The following MACROD2 variants were observed in gnomAD, a reference collection of about 807,000 sequenced individuals.
The protein encoded by MACROD2 is mono-ADP ribosylhydrolase 2.
MACROD2 carries 36 observed loss-of-function variants against 70.4 expected under a neutral mutation model. That is an observed-to-expected ratio of 0.51 (90% confidence interval 0.39 to 0.68). The LOEUF (loss-of-function observed/expected upper bound fraction) is 0.68. MACROD2 is among the 30% of genes least tolerant of loss of function. MACROD2 has a pLI of 0.00. For synonymous variants in MACROD2, 172 were observed against 178.8 expected (o/e 0.96, Z 0.30); for missense variants, 496 against 538.4 (o/e 0.92, Z 0.78).
At chr20:16,004,280 C>T (rs543761061) in intron 15 of MACROD2, among the ~76,000 whole-genome samples, 3 of 152,266 alleles carry the variant, frequency 2.0e-5, no homozygotes, top group South Asian at 2.1e-4. Context: ...ATTTCTCCCA[C>T]AGTGGCAGGT....
chr20:14,304,208 C>G (rs950059023), intron 3 of MACROD2, among the ~76,000 whole-genome samples: 1 of 152,162 alleles, frequency 6.6e-6, no homozygotes, highest in East Asian at 1.9e-4. Flanking sequence ...GACTACCTAT[C>G]CTTGGACACT....
At chr20:15,748,528 C>T (rs2146976174) in intron 8 of MACROD2, among the ~76,000 whole-genome samples, 1 of 152,114 alleles carries the variant, frequency 6.6e-6, no homozygotes, top group East Asian at 1.9e-4. Context: ...ATGTAGCGTT[C>T]TGAAGCTTCA....
At chr20:14,818,662 T>C (rs1258415541) in intron 5 of MACROD2, among the ~76,000 whole-genome samples, 1 of 152,072 alleles carries the variant, frequency 6.6e-6, no homozygotes, top group African/African-American at 2.4e-5. Flanking sequence ...AGATGGCCAG[T>C]ATTACATTTT....
intron 5 of MACROD2, among the ~76,000 whole-genome samples, chr20:14,994,350 C>A (rs2423909): frequency 5.3e-5 from 8 of 152,144 alleles, no homozygotes; most frequent in African/African-American, 1.9e-4. Flanking sequence ...ATCAAAATCA[C>A]GCTCTGGAAG....
intron 4 of MACROD2, among the ~76,000 whole-genome samples, chr20:14,528,302 T>A (rs900420328): frequency 4.2e-5 from 6 of 144,524 alleles, no homozygotes; most frequent in Non-Finnish European, 9.2e-5. Context: ...TTTTTTTTTT[T>A]AGTAGAGACA....
Position 14,337,529 on chromosome 20 carries a change from G to C in MACROD2, c.272-155950G>C, listed in dbSNP as rs188692072. On this transcript the variant is annotated intron_variant, in intron 3 of 17. Transcript: ENST00000684519. The stretch of plus-strand genomic sequence containing the variant: ...TGCGTCCAGTCCACACAAAGCCCAC[G>C]GCAGCTGCAGGCTGAGCTTGTCCTG... 5.0e-5 allele frequency: 20 copies of C among 398,550 alleles called. 1 individual carries two copies. Among genetic ancestry groups the C allele is most frequent in the Middle Eastern group, 1.3e-3 (2 of 1,588 alleles). The allele number at this position is 398,550 out of a possible 1,614,324, so 24.7% of individuals were successfully genotyped here.
chr20:14,567,043 G>C (rs1339595312), intron 4 of MACROD2: 5 of 151,830 alleles, frequency 3.3e-5, no homozygotes, highest in Non-Finnish European at 7.4e-5. Flanking sequence ...CAGAAGCCTG[G>C]AACTCCTGGG....
intron 3 of MACROD2, among the ~76,000 whole-genome samples, chr20:14,208,865 T>A (rs368799291): frequency 6.6e-6 from 1 of 152,196 alleles, no homozygotes. Flanking sequence ...GCAAGATACA[T>A]GTTGATCCAT....
intron 8 of MACROD2, among the ~76,000 whole-genome samples, chr20:15,717,898 A>G (rs897386043): frequency 3.3e-5 from 5 of 152,130 alleles, no homozygotes; most frequent in African/African-American, 1.2e-4. Context: ...GGAAAATGGG[A>G]TCAGCAAGAG....
intron 4 of MACROD2, among the ~76,000 whole-genome samples, chr20:14,548,490 G>T: frequency 1.5e-5 from 1 of 67,832 alleles, no homozygotes. Flanking sequence ...AGGCTGAGGC[G>T]GGCGGATCAC....
chr20:14,103,097 T>A lies in MACROD2; in HGVS notation c.271+17369T>A, dbSNP rs183535238. The stretch of plus-strand genomic sequence containing the variant: ...ATCACTTTGTTTTTCTGATCTATAT[T>A]TTTTTTTTCTGAAGGAATTTGTGCA... On this transcript the variant is annotated intron_variant, in intron 3 of 17. Transcript: ENST00000684519. Among the ~76,000 whole-genome samples, 13 of 151,808 alleles carry A rather than the reference T, an allele frequency of 8.6e-5. No homozygotes were observed. In the East Asian group the frequency reaches 1.7e-3, roughly 20 times the overall value.
chr20:15,917,506 G>A (rs1305888637), intron 10 of MACROD2, among the ~76,000 whole-genome samples: 1 of 152,168 alleles, frequency 6.6e-6, no homozygotes, highest in Admixed American at 6.5e-5. Context: ...CACCACACAG[G>A]CTTTCTATGG....
chr20:14,273,836 A>G (rs923749187), intron 3 of MACROD2, among the ~76,000 whole-genome samples: 6 of 152,222 alleles, frequency 3.9e-5, no homozygotes, highest in Non-Finnish European at 8.8e-5. Context: ...CCACAGAAAC[A>G]CAAACTACCA....
intron 8 of MACROD2, among the ~76,000 whole-genome samples, chr20:15,704,144 A>G (rs532762244): frequency 2.1e-3 from 313 of 147,840 alleles, no homozygotes; most frequent in Non-Finnish European, 3.3e-3. Flanking sequence ...TTGTTTGTTT[A>G]TTTATTTATT....
intron 6 of MACROD2, among the ~76,000 whole-genome samples, chr20:15,402,775 AT>A (rs2146310871): frequency 1.3e-5 from 2 of 152,348 alleles, no homozygotes; most frequent in South Asian, 2.1e-4. Flanking sequence ...TCCAAAGGGC[AT>A]AATTTGATGT....
chr20:15,230,133 A>G, intron 6 of MACROD2, 72 bp downstream of exon 6: 3 of 1,446,530 alleles, frequency 2.1e-6, no homozygotes, highest in South Asian at 1.4e-5. Context: ...TCTTGTCTAA[A>G]GAGAGGTAGG....
intron 3 of MACROD2, among the ~76,000 whole-genome samples, chr20:14,238,992 A>G (rs1223972716): frequency 7.4e-6 from 1 of 134,998 alleles, no homozygotes; most frequent in African/African-American, 2.8e-5. Flanking sequence ...GCGCCACTGC[A>G]CTCCAGCCTG....
chr20:15,037,606 A>G (rs2075323226), intron 5 of MACROD2, among the ~76,000 whole-genome samples: 1 of 151,970 alleles, frequency 6.6e-6, no homozygotes, highest in African/African-American at 2.4e-5. Context: ...GAAGAGAACA[A>G]TCTTCCTTAC....
At chr20:14,511,913 A>G (rs1164163850) in intron 4 of MACROD2, among the ~76,000 whole-genome samples, 1 of 152,058 alleles carries the variant, frequency 6.6e-6, no homozygotes, top group African/African-American at 2.4e-5. Context: ...GTACTACACC[A>G]CGCAGTAAAG....
Sources: allele counts gnomAD v4.1 joint callset (sites outside exome capture counted in the v4.1 genomes callset), GRCh38; gene constraint gnomAD v4.1.1; transcripts MANE v1.5; gene names NCBI Gene and HGNC (gene_info 2026-07-23, HGNC 2026-07-21).